The following SH3RF2 variants were observed in gnomAD, a reference collection of about 807,000 sequenced individuals.
The protein encoded by SH3RF2 is SH3 domain containing ring finger 2.
A neutral mutation model predicts 59.0 loss-of-function variants in SH3RF2; 43 were observed. That is an observed-to-expected ratio of 0.73 (90% CI 0.57 to 0.94). The LOEUF (loss-of-function observed/expected upper bound fraction) is 0.94, where lower values mean the gene tolerates loss of function less well. Ranked by LOEUF, SH3RF2 falls within the 40% of genes least tolerant of loss-of-function variation. The pLI, the probability that SH3RF2 is intolerant of heterozygous loss-of-function variation, is 0.00. For synonymous variants in SH3RF2, 391 were observed against 391.5 expected, an observed-to-expected ratio of 1.00 and a Z score of 0.01; for missense variants, 930 against 940.1, an observed-to-expected ratio of 0.99 and a Z score of 0.14.
intron 2 of SH3RF2, among the ~76,000 whole-genome samples, chr5:145,965,623 A>T (rs1358465263): frequency 1.3e-5 from 2 of 152,172 alleles, no homozygotes; most frequent in African/African-American, 4.8e-5. Flanking sequence ...AAAAGAACGG[A>T]GGTAATTGGT....
intron 2 of SH3RF2, among the ~76,000 whole-genome samples, chr5:145,988,906 A>G (rs1759821972): frequency 1.3e-5 from 2 of 151,942 alleles, no homozygotes; most frequent in African/African-American, 2.4e-5. Flanking sequence ...TCTAATATTT[A>G]CTCTATTTCC....
Position 145,997,329 on chromosome 5 carries a change from G to A in SH3RF2, c.379-2729G>A, listed in dbSNP as rs1240755414. 22 of 1,125,598 alleles carry A rather than the reference G, an allele frequency of 2.0e-5. 1 individual carries two copies. Among genetic ancestry groups the A allele is most frequent in the Admixed American group, 1.0e-4 (6 of 59,242 alleles). The allele number at this position is 1,125,598 out of a possible 1,614,324, so 69.7% of individuals were successfully genotyped here. A position where few individuals can be genotyped will look rare whatever the true frequency, so the allele number is the denominator to read the frequency against. On this transcript the variant is annotated intron_variant, in intron 2 of 9. Transcript: ENST00000359120. ...GCTAGTGAAACCAGAGCAGCTCCCC[G>A]TATATACTGCACCACCGCTCCAGTC...
At chr5:146,046,567 C>T (rs369182448) in intron 5 of SH3RF2, among the ~76,000 whole-genome samples, 18 of 152,196 alleles carry the variant, frequency 1.2e-4, no homozygotes, top group East Asian at 5.8e-4. Flanking sequence ...CATTCCTTCA[C>T]TCATTCCTTT....
intron 2 of SH3RF2, among the ~76,000 whole-genome samples, chr5:145,969,906 C>T (rs919737955): frequency 1.3e-5 from 2 of 152,018 alleles, no homozygotes; most frequent in Admixed American, 1.3e-4. Context: ...TATGAGGTAG[C>T]CTTGAACATG....
chr5:145,972,754 T>G (rs1341219658), intron 2 of SH3RF2, among the ~76,000 whole-genome samples: 4 of 152,212 alleles, frequency 2.6e-5, no homozygotes, highest in Non-Finnish European at 5.9e-5. Flanking sequence ...ATCCTAATGA[T>G]TTGGCATCAT....
chr5:146,063,349 C>A (rs1267104387), downstream of SH3RF2: 1 of 152,290 alleles, frequency 6.6e-6, no homozygotes, highest in Non-Finnish European at 1.5e-5. Flanking sequence ...TACCAAATAT[C>A]AAAGGATTAT....
At chr5:145,997,080 T>C in intron 2 of SH3RF2, 1 of 566,978 alleles carries the variant, frequency 1.8e-6, no homozygotes, top group Non-Finnish European at 3.2e-6. Context: ...GAAGGTTTGT[T>C]ACACAGGTAA....
intron 2 of SH3RF2, among the ~76,000 whole-genome samples, chr5:145,963,243 A>AATGGATGGATGG (rs58658769): frequency 6.1e-5 from 9 of 148,032 alleles, no homozygotes; most frequent in Admixed American, 2.0e-4. Flanking sequence ...ATACTGGATG[A>AATGGATGGATGG]ATGGATGGAT....
At chr5:146,049,496 T>G (rs1430891845) in intron 7 of SH3RF2, among the ~76,000 whole-genome samples, 1 of 152,184 alleles carries the variant, frequency 6.6e-6, no homozygotes, top group East Asian at 1.9e-4. Flanking sequence ...TCCTCTAAGG[T>G]AGATATTATG....
At chr5:146,040,278 A>G (rs967777819) in intron 5 of SH3RF2, among the ~76,000 whole-genome samples, 1 of 152,236 alleles carries the variant, frequency 6.6e-6, no homozygotes, top group Non-Finnish European at 1.5e-5. Flanking sequence ...TATCTGTTAT[A>G]TTATTATTCT....
chr5:145,944,185 T>C (rs902871768), intron 2 of SH3RF2, among the ~76,000 whole-genome samples: 1 of 152,146 alleles, frequency 6.6e-6, no homozygotes, highest in Admixed American at 6.5e-5. Context: ...CATCAAAGCA[T>C]TTTGAATTTC....
downstream of SH3RF2, among the ~76,000 whole-genome samples, chr5:146,064,751 G>GAAGGAAGGA (rs1554121881): frequency 1.5e-4 from 1 of 6,572 alleles, no homozygotes; most frequent in African/African-American, 2.4e-4. Flanking sequence ...AGGAAGGAAG[G>GAAGGAAGGA]AAGGAAGGAA....
At chr5:145,969,511 G>A (rs1025337797) in intron 2 of SH3RF2, among the ~76,000 whole-genome samples, 1 of 152,164 alleles carries the variant, frequency 6.6e-6, no homozygotes, top group African/African-American at 2.4e-5. Flanking sequence ...GATTCCAACA[G>A]CCCCTGATTG....
chr5:146,038,971 A>G (rs920261359), intron 5 of SH3RF2, among the ~76,000 whole-genome samples: 11 of 152,260 alleles, frequency 7.2e-5, no homozygotes, highest in Non-Finnish European at 1.6e-4. Flanking sequence ...TAGGGATTCT[A>G]TTAAACCAAT....
At chr5:146,069,036 T>C (rs1763170631) in intron 9 of SH3RF2, among the ~76,000 whole-genome samples, 1 of 152,172 alleles carries the variant, frequency 6.6e-6, no homozygotes, top group Non-Finnish European at 1.5e-5. Context: ...CCCACACTTA[T>C]CCTTCCCGTG....
intron 2 of SH3RF2, chr5:145,997,357 A>C (rs1053918745): frequency 8.5e-7 from 1 of 1,181,642 alleles, no homozygotes; most frequent in Non-Finnish European, 1.3e-6. Context: ...CTCCAGTCTA[A>C]ATATGTTGAA....
intron 2 of SH3RF2, chr5:145,997,332 T>C: frequency 8.8e-7 from 1 of 1,136,134 alleles, no homozygotes; most frequent in South Asian, 1.2e-5. Flanking sequence ...GCTCCCCGTA[T>C]ATACTGCACC....
At chr5:146,057,931 T>G (rs1462207456) in intron 8 of SH3RF2, among the ~76,000 whole-genome samples, 13 of 91,382 alleles carry the variant, frequency 1.4e-4, no homozygotes, top group Admixed American at 1.4e-3. Context: ...TGTTAGTGTC[T>G]CTCTCTCTCT....
intron 2 of SH3RF2, among the ~76,000 whole-genome samples, chr5:145,961,361 C>T (rs973482535): frequency 6.6e-6 from 1 of 152,042 alleles, no homozygotes; most frequent in Non-Finnish European, 1.5e-5. Context: ...TAACATTTCT[C>T]TTCTCTAAGA....
Sources: allele counts gnomAD v4.1 joint callset (sites outside exome capture counted in the v4.1 genomes callset), GRCh38; gene constraint gnomAD v4.1.1; transcripts MANE v1.5; gene names NCBI Gene and HGNC (gene_info 2026-07-23, HGNC 2026-07-21).